DTD1: variants seen among roughly 807,000 people sequenced by gnomAD.
DTD1 encodes D-tyrosyl-tRNA deacylase 1 homolog.
DTD1 carries 13 observed loss-of-function variants against 25.6 expected under a neutral mutation model. The ratio of observed to expected loss-of-function variants is 0.51; its 90% CI spans 0.33 to 0.81. The LOEUF is 0.81. DTD1 is among the 30% of genes least tolerant of loss of function. The pLI is 0.02. For synonymous variants in DTD1, 110 were observed against 103.6 expected, an observed-to-expected ratio of 1.06 and a Z score of -0.37; for missense variants, 193 against 266.4, an observed-to-expected ratio of 0.72 and a Z score of 1.92.
At chr20:18,687,488 A>G (rs2061021596) in intron 4 of DTD1, among the ~76,000 whole-genome samples, 1 of 152,226 alleles carries the variant, frequency 6.6e-6, no homozygotes, top group South Asian at 2.1e-4. Context: ...AGTGAACTGT[A>G]GGAAGTAAAA....
At position 18,727,987 on chromosome 20, in the gene DTD1, C is replaced by T. The variant is rs1237976654; in HGVS notation, c.478-16113C>T. ...TTTGTTCACTGTGGAAAGGGGGTTC[C>T]AGGGAGCTTAGGTGAGAAGGGGCTG... On this transcript the variant is annotated intron_variant, in intron 4 of 5. Coordinates refer to ENST00000377452, the MANE Select transcript of DTD1 (RefSeq NM_080820.6). Among the ~76,000 whole-genome samples, 3 of 152,156 alleles carry T rather than the reference C, an allele frequency of 2.0e-5. No individual in the cohort carries two copies. In the East Asian group the frequency reaches 5.8e-4, roughly 29 times the overall value.
intron 4 of DTD1, among the ~76,000 whole-genome samples, chr20:18,692,361 A>G (rs1236384898): frequency 6.6e-6 from 1 of 152,202 alleles, no homozygotes; most frequent in Non-Finnish European, 1.5e-5. Flanking sequence ...CTCCATTCAT[A>G]TTTGCCACAA....
At chr20:18,686,309 C>A (rs2061016272) in intron 4 of DTD1, among the ~76,000 whole-genome samples, 1 of 152,362 alleles carries the variant, frequency 6.6e-6, no homozygotes, top group African/African-American at 2.4e-5. Context: ...CTTTTAAAAA[C>A]CAATCTCCTA....
At chr20:18,631,937 T>C in intron 4 of DTD1, 4 of 975,088 alleles carry the variant, frequency 4.1e-6, no homozygotes, top group Non-Finnish European at 4.9e-6. Flanking sequence ...GGTACAAAGA[T>C]GCAGTTATTT....
intron 3 of DTD1, among the ~76,000 whole-genome samples, chr20:18,599,150 A>G (rs911525701): frequency 2.0e-5 from 3 of 152,100 alleles, no homozygotes; most frequent in African/African-American, 7.2e-5. Context: ...TAAAGCTGCT[A>G]TAAACATCTA....
chr20:18,675,842 A>ATGTT lies in DTD1; in HGVS notation c.477+47610_477+47611insGTTT, dbSNP rs2060969863. On this transcript the variant is annotated intron_variant, in intron 4 of 5. Transcript: ENST00000377452. ...CATATATGTAAATATACCTATGTGT[A>ATGTT]TATTTACACATATATATGTAAATAT... Among the ~76,000 whole-genome samples the ATGTT allele has an allele frequency of 2.9e-3, 44 of 15,036 alleles. 6 individuals carry two copies. The highest frequency in any genetic ancestry group is 6.0e-3 in the South Asian group (3 of 502). 9.9% of individuals were successfully genotyped at this position (15,036 alleles called of 152,430 possible).
At chr20:18,626,576 T>TTG (rs113988826) in intron 3 of DTD1, among the ~76,000 whole-genome samples, 46 of 152,278 alleles carry the variant, frequency 3.0e-4, no homozygotes, top group African/African-American at 8.4e-4. Context: ...AGATATGCTT[T>TTG]TGTGTGAGTG....
At chr20:18,690,191 ATTTG>A (rs1189212068) in intron 4 of DTD1, among the ~76,000 whole-genome samples, 3 of 150,884 alleles carry the variant, frequency 2.0e-5, no homozygotes, top group Non-Finnish European at 3.0e-5. Flanking sequence ...AAATTGAATT[ATTTG>A]TTTTTGTCTT....
At chr20:18,639,495 G>GGAGGCAGCTGCTCCAGAGGC (rs2060820514) in intron 4 of DTD1, among the ~76,000 whole-genome samples, 2 of 152,130 alleles carry the variant, frequency 1.3e-5, no homozygotes, top group Non-Finnish European at 2.9e-5. Flanking sequence ...TTGTCAGAAG[G>GGAGGCAGCTGCTCCAGAGGC]GAGGCAGCTG....
At chr20:18,686,435 A>G (rs77162665) in intron 4 of DTD1, among the ~76,000 whole-genome samples, 3,503 of 152,334 alleles carry the variant, frequency 0.023, 78 homozygotes, top group African/African-American at 0.046. Context: ...TGTTTTATAT[A>G]TAGTTATATA....
chr20:18,702,744 C>CAAAAAAA (rs10583250), intron 4 of DTD1, among the ~76,000 whole-genome samples: 2 of 123,114 alleles, frequency 1.6e-5, no homozygotes, highest in African/African-American at 3.1e-5. Context: ...TGGAATGAGG[C>CAAAAAAA]AAAAAAAAAA....
At chr20:18,652,456 C>A (rs1600345204) in intron 4 of DTD1, among the ~76,000 whole-genome samples, 1 of 152,218 alleles carries the variant, frequency 6.6e-6, no homozygotes, top group South Asian at 2.1e-4. Flanking sequence ...CAGGAGCTGG[C>A]AGGCTGAGTC....
At chr20:18,612,918 C>G (rs1302339321) in intron 3 of DTD1, among the ~76,000 whole-genome samples, 9 of 152,194 alleles carry the variant, frequency 5.9e-5, no homozygotes, top group African/African-American at 2.2e-4. Context: ...TTCCGCCTCC[C>G]AAAGTGCTGG....
chr20:18,747,886 A>G (rs1308065611), intron 5 of DTD1, among the ~76,000 whole-genome samples: 1 of 151,182 alleles, frequency 6.6e-6, no homozygotes, highest in Non-Finnish European at 1.5e-5. Context: ...GGGCATGGTG[A>G]TGCGCACCTG....
In DTD1 at chr20:18,731,198, T is replaced by C. The variant is rs1008181509; in HGVS notation, c.478-12902T>C. 2.0e-5 allele frequency among the ~76,000 whole-genome samples: 3 copies of C among 152,216 alleles called. No individual in the cohort carries two copies. In the East Asian group the frequency reaches 5.8e-4, roughly 29 times the overall value. On this transcript the variant is annotated intron_variant, in intron 4 of 5. Transcript: ENST00000377452. Reference sequence around the variant, plus strand: ...TGTAATGTTTTTTCATATTGTCTTTTCTGCATCTGCTCCGCTCCCTCCTTT... The same window carrying C: ...TGTAATGTTTTTTCATATTGTCTTTCCTGCATCTGCTCCGCTCCCTCCTTT...
At chr20:18,612,335 A>C (rs895998528) in intron 3 of DTD1, among the ~76,000 whole-genome samples, 9 of 152,052 alleles carry the variant, frequency 5.9e-5, no homozygotes, top group Non-Finnish European at 1.3e-4. Flanking sequence ...CGCCTGGCCC[A>C]CACATGTTTA....
chr20:18,594,945 C>T (rs150737031), intron 2 of DTD1, among the ~76,000 whole-genome samples: 5 of 152,270 alleles, frequency 3.3e-5, no homozygotes, highest in Non-Finnish European at 7.4e-5. Context: ...TGAGGGTGCC[C>T]ATATTAAGAG....
intron 3 of DTD1, among the ~76,000 whole-genome samples, chr20:18,598,863 G>A (rs6132087): frequency 6.6e-6 from 1 of 151,576 alleles, no homozygotes; most frequent in African/African-American, 2.4e-5. Context: ...CTATTCATCC[G>A]TCTCTCTTCC....
rs79068577 is a variant in DTD1, at chr20:18,717,074, G to A, written c.478-27026G>A. Among the ~76,000 whole-genome samples, 1,185 of 152,262 alleles carry A rather than the reference G, an allele frequency of 7.8e-3. 8 individuals are homozygous for A. Among genetic ancestry groups the A allele is most frequent in the Non-Finnish European group, 0.012 (847 of 68,006 alleles). ...CCTCCAGTGTCATTAGTGGCACTTT[G>A]TTTGGGTCTCACAGTGTTATTCAAG... On this transcript the variant is annotated intron_variant, in intron 4 of 5. Transcript: ENST00000377452.
Sources: allele counts gnomAD v4.1 joint callset (sites outside exome capture counted in the v4.1 genomes callset), GRCh38; gene constraint gnomAD v4.1.1; transcripts MANE v1.5; gene names NCBI Gene and HGNC (gene_info 2026-07-23, HGNC 2026-07-21).